TAFA2: variants seen among roughly 807,000 people sequenced by gnomAD.
TAFA2 encodes the protein chemokine-like protein TAFA-2.
A neutral mutation model predicts 18.8 loss-of-function variants in TAFA2; 7 were observed. The observed-to-expected ratio is 0.37, with a 90% CI of 0.21 to 0.70. The LOEUF is 0.70. Ranked by LOEUF, TAFA2 falls within the 30% of genes least tolerant of loss-of-function variation. TAFA2 has a pLI of 0.53. For missense variants in TAFA2, 122 were observed against 158.1 expected, an observed-to-expected ratio of 0.77 and a Z score of 1.23; for synonymous variants, 60 against 54.2, an observed-to-expected ratio of 1.11 and a Z score of -0.47.
intron 1 of TAFA2, among the ~76,000 whole-genome samples, chr12:62,247,494 C>G (rs555928557): frequency 4.5e-4 from 68 of 152,288 alleles, no homozygotes; most frequent in Middle Eastern, 3.4e-3. Flanking sequence ...TCGAGTTTTC[C>G]TACTTTACTG....
chr12:61,738,797 C>T (rs1174263931), intron 4 of TAFA2, among the ~76,000 whole-genome samples: 1 of 152,036 alleles, frequency 6.6e-6, no homozygotes, highest in Admixed American at 6.6e-5. Context: ...GACAGACCAA[C>T]CTCCAATGAA....
chr12:62,066,955 C>CCTCTA (rs1263646091), intron 1 of TAFA2, among the ~76,000 whole-genome samples: 2 of 152,030 alleles, frequency 1.3e-5, no homozygotes, highest in Non-Finnish European at 2.9e-5. Flanking sequence ...TCCCTTTTCT[C>CCTCTA]CACATCCTCC....
intron 1 of TAFA2, among the ~76,000 whole-genome samples, chr12:61,948,214 C>G (rs1878347449): frequency 6.6e-6 from 1 of 152,102 alleles, no homozygotes; most frequent in African/African-American, 2.4e-5. Context: ...ATCACAAACT[C>G]CAAGCATGGG....
At position 61,781,046 on chromosome 12, in the gene TAFA2, A is replaced by G. The variant is rs552648962; in HGVS notation, c.107-26022T>C. ...AAAAATAATCCCTCACCAGCTCACA[A>G]GGGAAATTAAGTTTTTCTAAAAAGG... On this transcript the variant is annotated intron_variant, in intron 2 of 4. Transcript: ENST00000416284. Among the ~76,000 whole-genome samples, 3 of 151,844 alleles carry G rather than the reference A, an allele frequency of 2.0e-5. No individual in the cohort carries two copies. In the East Asian group the frequency reaches 5.9e-4, roughly 30 times the overall value.
At chr12:61,753,472 A>G (rs1445454438) in intron 4 of TAFA2, 150 bp downstream of exon 4, 1 of 645,618 alleles carries the variant, frequency 1.5e-6, no homozygotes, top group African/African-American at 1.8e-5. Context: ...GTTTTATGAA[A>G]AAAGCGAACT....
At chr12:62,101,804 T>C (rs1007042150) in intron 1 of TAFA2, among the ~76,000 whole-genome samples, 32 of 152,148 alleles carry the variant, frequency 2.1e-4, no homozygotes, top group African/African-American at 6.5e-4. Context: ...GAAATGAAAG[T>C]GTAGCACTAG....
At chr12:62,005,458 T>C (rs187993078) in intron 1 of TAFA2, among the ~76,000 whole-genome samples, 53 of 152,240 alleles carry the variant, frequency 3.5e-4, no homozygotes, top group African/African-American at 1.2e-3. Context: ...TTTCTGGAAA[T>C]TCATATAGAA....
chr12:62,062,881 T>C (rs1882388856), intron 1 of TAFA2, among the ~76,000 whole-genome samples: 1 of 152,158 alleles, frequency 6.6e-6, no homozygotes, highest in African/African-American at 2.4e-5. Flanking sequence ...ATTCCTTGGC[T>C]CATGGCCCCT....
intron 1 of TAFA2, among the ~76,000 whole-genome samples, chr12:61,874,664 G>A (rs1454620060): frequency 6.6e-6 from 1 of 152,108 alleles, no homozygotes; most frequent in African/African-American, 2.4e-5. Context: ...GAATAGAAAT[G>A]TATTATCATT....
intron 4 of TAFA2, among the ~76,000 whole-genome samples, chr12:61,735,687 T>C (rs988483026): frequency 1.3e-5 from 2 of 152,032 alleles, no homozygotes; most frequent in African/African-American, 2.4e-5. Context: ...CCATTTTTTT[T>C]AGTTGACTTG....
chr12:61,844,765 G>A (rs781186191), intron 2 of TAFA2, among the ~76,000 whole-genome samples: 2 of 152,138 alleles, frequency 1.3e-5, no homozygotes, highest in African/African-American at 2.4e-5. Flanking sequence ...TTCATTATTA[G>A]TTTCTAGAAA....
intron 1 of TAFA2, among the ~76,000 whole-genome samples, chr12:61,955,619 AAAAAAAAAAAAAAATATATATATATATAT>A (rs1274506771): frequency 6.8e-5 from 2 of 29,342 alleles, no homozygotes; most frequent in East Asian, 1.5e-3. Context: ...AAAAAAAAAA[AAAAAAAAAAAAAAATATATATATATATAT>A]ATATATATAT....
intron 2 of TAFA2, among the ~76,000 whole-genome samples, chr12:61,821,112 C>T (rs1462695493): frequency 7.2e-6 from 1 of 138,194 alleles, no homozygotes; most frequent in Non-Finnish European, 1.6e-5. Flanking sequence ...AGTGTTGACA[C>T]TTCATTTGAT....
At chr12:61,753,895 C>G in intron 3 of TAFA2, 149 bp from the exon 4 acceptor site, 3 of 554,388 alleles carry the variant, frequency 5.4e-6, no homozygotes, top group Non-Finnish European at 9.1e-6. Context: ...TTCAAAAGGA[C>G]AAAACCTTTC....
intron 1 of TAFA2, among the ~76,000 whole-genome samples, chr12:62,066,126 C>CGTGT (rs3221978): frequency 0.34 from 48,957 of 145,306 alleles, 8,448 homozygotes; most frequent in East Asian, 0.48. Context: ...CTGAAACAGC[C>CGTGT]GTGTGTGTGT....
At chr12:62,049,946 C>A (rs1026043203) in intron 1 of TAFA2, among the ~76,000 whole-genome samples, 1 of 152,138 alleles carries the variant, frequency 6.6e-6, no homozygotes, top group Non-Finnish European at 1.5e-5. Flanking sequence ...GAAAAATTTG[C>A]AAATTGCCAC....
intron 1 of TAFA2, among the ~76,000 whole-genome samples, chr12:61,983,808 A>T (rs896565200): frequency 6.6e-6 from 1 of 152,218 alleles, no homozygotes; most frequent in Non-Finnish European, 1.5e-5. Flanking sequence ...AATGGTCTCA[A>T]GTCCTAATAC....
At chr12:61,995,531 C>A (rs1258066521) in intron 1 of TAFA2, among the ~76,000 whole-genome samples, 1 of 152,106 alleles carries the variant, frequency 6.6e-6, no homozygotes, top group African/African-American at 2.4e-5. Flanking sequence ...TAGAATACAG[C>A]CTGGGACCAG....
chr12:61,783,525 G>T (rs1487177180), intron 2 of TAFA2, among the ~76,000 whole-genome samples: 3 of 151,576 alleles, frequency 2.0e-5, no homozygotes, highest in African/African-American at 7.3e-5. Flanking sequence ...TTCAATAAGT[G>T]TTTATGGAAT....
Sources: gnomAD v4.1 joint callset for allele counts (sites outside exome capture counted in the v4.1 genomes callset) on GRCh38, gnomAD v4.1.1 for gene constraint, MANE v1.5 for transcripts, NCBI Gene and HGNC (gene_info 2026-07-23, HGNC 2026-07-21) for gene names.